Variants in RUNX1 observed in about 807,000 individuals in gnomAD.
The protein encoded by RUNX1 is runt-related transcription factor 1.
RUNX1 carries 19 observed loss-of-function variants against 42.8 expected under a neutral mutation model. That is an observed-to-expected ratio of 0.44 (90% confidence interval 0.31 to 0.65). The LOEUF is 0.65. Among genes scored for constraint, RUNX1 ranks in the 30% least tolerant of loss-of-function variants. RUNX1 has a pLI of 0.07. For missense variants in RUNX1, 528 were observed against 672.0 expected (o/e 0.79, Z 2.37); for synonymous variants, 271 against 289.4 (o/e 0.94, Z 0.64).
intron 2 of RUNX1, among the ~76,000 whole-genome samples, chr21:34,929,933 T>C (rs1226910177): frequency 6.6e-6 from 1 of 151,924 alleles, no homozygotes; most frequent in Non-Finnish European, 1.5e-5. Context: ...TATTCATATA[T>C]CCCCTTTTAA....
chr21:35,017,390 T>TG (rs2059167081), intron 2 of RUNX1, among the ~76,000 whole-genome samples: 1 of 151,432 alleles, frequency 6.6e-6, no homozygotes, highest in Non-Finnish European at 1.5e-5. Flanking sequence ...GAAAGGAGAG[T>TG]GGGGGGACAA....
intron 6 of RUNX1, among the ~76,000 whole-genome samples, chr21:34,840,764 G>A (rs2057222768): frequency 6.6e-6 from 1 of 152,150 alleles, no homozygotes; most frequent in Non-Finnish European, 1.5e-5. Flanking sequence ...TGCACGAGGT[G>A]TCCTAAGAAT....
chr21:34,829,781 G>A (rs2057037612), intron 7 of RUNX1: 1 of 152,114 alleles, frequency 6.6e-6, no homozygotes, highest in African/African-American at 2.4e-5. Context: ...CAAATTGCTA[G>A]AAGAGTAAGG....
intron 7 of RUNX1, among the ~76,000 whole-genome samples, chr21:34,826,434 CTTTTTTTTT>C (rs772880673): frequency 5.7e-5 from 6 of 105,364 alleles, no homozygotes; most frequent in Non-Finnish European, 7.2e-5. Flanking sequence ...TTCTTTCTTT[CTTTTTTTTT>C]TTTTTTTTTT....
chr21:34,840,301 C>T lies in RUNX1; in HGVS notation c.614-5700G>A, dbSNP rs77893976. ...TTAATGCAGATGCCACAATCCTCCT[C>T]CCCTCTAGAGAAACAACATGGTCCC... On this transcript the variant is annotated intron_variant, in intron 6 of 8. Coordinates refer to ENST00000675419, the MANE Select transcript of RUNX1 (RefSeq NM_001754.5). 8.5e-3 allele frequency among the ~76,000 whole-genome samples: 1,293 copies of T among 152,282 alleles called. 17 individuals are homozygous for T. Among genetic ancestry groups the T allele is most frequent in the African/African-American group, 0.03 (1,244 of 41,544 alleles).
chr21:34,909,601 A>AG (rs2058255492), intron 2 of RUNX1, among the ~76,000 whole-genome samples: 1 of 151,366 alleles, frequency 6.6e-6, no homozygotes, highest in Non-Finnish European at 1.5e-5. Context: ...AAAAAAAAAA[A>AG]AAAAAAAGAT....
At chr21:35,033,323 A>G (rs1166735680) in intron 2 of RUNX1, among the ~76,000 whole-genome samples, 3 of 152,214 alleles carry the variant, frequency 2.0e-5, no homozygotes, top group Non-Finnish European at 4.4e-5. Flanking sequence ...TTTTGGTAAG[A>G]GCAAATAAAC....
At chr21:34,956,475 G>A (rs2058644873) in intron 2 of RUNX1, among the ~76,000 whole-genome samples, 2 of 152,112 alleles carry the variant, frequency 1.3e-5, no homozygotes, top group African/African-American at 4.8e-5. Context: ...TCTTCGAAAG[G>A]CCACTTTTAT....
rs546258290 is a variant in RUNX1, at chr21:35,038,071, G to A, written c.58+10771C>T. Among the ~76,000 whole-genome samples, 47 of 152,128 alleles carry A rather than the reference G, an allele frequency of 3.1e-4. No homozygotes were observed. The South Asian group carries it at 6.4e-3, about 21-fold the overall frequency. On this transcript the variant is annotated intron_variant, in intron 2 of 8. Coordinates refer to ENST00000675419, the MANE Select transcript of RUNX1 (RefSeq NM_001754.5). Reference sequence around the variant, plus strand: ...CCTTGTACTTATTGACTTCCTCTGCGTGTCCATTGCTTTATACATATTGTC... The same window carrying A: ...CCTTGTACTTATTGACTTCCTCTGCATGTCCATTGCTTTATACATATTGTC...
intron 2 of RUNX1, among the ~76,000 whole-genome samples, chr21:34,938,527 C>T (rs140494984): frequency 4.0e-4 from 61 of 151,990 alleles, no homozygotes; most frequent in African/African-American, 1.4e-3. Context: ...ACACCTCCTC[C>T]TTCTCCTCCT....
At chr21:34,929,944 G>A (rs1255158358) in intron 2 of RUNX1, among the ~76,000 whole-genome samples, 1 of 151,838 alleles carries the variant, frequency 6.6e-6, no homozygotes, top group Non-Finnish European at 1.5e-5. Context: ...CCCCTTTTAA[G>A]TATTAGTCCC....
intron 7 of RUNX1, among the ~76,000 whole-genome samples, chr21:34,826,434 C>CTTTTTTT (rs772880673): frequency 9.5e-5 from 10 of 105,350 alleles, no homozygotes; most frequent in Admixed American, 1.3e-4. Context: ...TTCTTTCTTT[C>CTTTTTTT]TTTTTTTTTT....
intron 2 of RUNX1, among the ~76,000 whole-genome samples, chr21:35,047,142 A>T (rs931511618): frequency 1.5e-4 from 23 of 152,184 alleles, no homozygotes; most frequent in Admixed American, 5.2e-4. Flanking sequence ...AAATTTCCTG[A>T]ATCTGCCTTC....
At chr21:35,043,861 C>G (rs1288694034) in intron 2 of RUNX1, among the ~76,000 whole-genome samples, 1 of 152,154 alleles carries the variant, frequency 6.6e-6, no homozygotes, top group Non-Finnish European at 1.5e-5. Flanking sequence ...TCCCAAGGAG[C>G]AGGGAAAATG....
At chr21:34,957,254 A>C (rs756785781) in intron 2 of RUNX1, among the ~76,000 whole-genome samples, 1 of 152,204 alleles carries the variant, frequency 6.6e-6, no homozygotes, top group Non-Finnish European at 1.5e-5. Flanking sequence ...TAAATGTGAT[A>C]ATTATCAATT....
chr21:34,833,008 T>C (rs926020006), intron 7 of RUNX1: 2 of 152,220 alleles, frequency 1.3e-5, no homozygotes, highest in Non-Finnish European at 2.9e-5. Context: ...TAGAAGAACC[T>C]TCCCCAGAAA....
At chr21:35,048,555 A>C (rs186605423) in intron 2 of RUNX1, among the ~76,000 whole-genome samples, 2 of 152,366 alleles carry the variant, frequency 1.3e-5, no homozygotes, top group African/African-American at 4.8e-5. Flanking sequence ...TAAGCCTTTA[A>C]ACAAGACCAG....
At chr21:34,833,982 C>T (rs768331069) in intron 7 of RUNX1, 69 of 341,076 alleles carry the variant, frequency 2.0e-4, no homozygotes, top group Non-Finnish European at 3.4e-4. Flanking sequence ...CTGGCAATAG[C>T]GAGAACTTGA....
intron 6 of RUNX1, chr21:34,856,293 G>A (rs2057494280): frequency 1.2e-5 from 6 of 509,480 alleles, no homozygotes; most frequent in East Asian, 5.5e-5. Context: ...AAGCTTGCAC[G>A]CATACCTCAA....
Sources: gnomAD v4.1 joint callset for allele counts (sites outside exome capture counted in the v4.1 genomes callset) on GRCh38, gnomAD v4.1.1 for gene constraint, MANE v1.5 for transcripts, NCBI Gene and HGNC (gene_info 2026-07-23, HGNC 2026-07-21) for gene names.